Variants in SYNE1 observed in about 807,000 individuals in gnomAD.
The protein encoded by SYNE1 is spectrin repeat containing nuclear envelope protein 1.
SYNE1 carries 616 observed loss-of-function variants against 1,111.0 expected under a neutral mutation model. The observed-to-expected ratio is 0.55, with a 90% CI of 0.52 to 0.59. The LOEUF is 0.59. Among genes scored for constraint, SYNE1 ranks in the 20% least tolerant of loss-of-function variants. The pLI is 0.00. For missense variants in SYNE1, 10,006 were observed against 10,417.0 expected, an observed-to-expected ratio of 0.96 and a Z score of 1.72; for synonymous variants, 3,855 against 3,825.8, an observed-to-expected ratio of 1.01 and a Z score of -0.28.
intron 59 of SYNE1, among the ~76,000 whole-genome samples, chr6:152,371,920 AAGGACAGGACAGGAC>A (rs773724652): frequency 0.016 from 774 of 48,894 alleles, 68 homozygotes; most frequent in East Asian, 0.063. Context: ...AAGGAAAGGA[AAGGACAGGACAGGAC>A]AGGAAAGGAA....
intron 130 of SYNE1, among the ~76,000 whole-genome samples, chr6:152,171,550 T>C (rs1169969082): frequency 6.6e-6 from 1 of 152,096 alleles, no homozygotes; most frequent in Non-Finnish European, 1.5e-5. Flanking sequence ...ACTGAGCCCG[T>C]AAGAAGAATC....
At chr6:152,541,135 C>G (rs2257075) in intron 3 of SYNE1, among the ~76,000 whole-genome samples, 7,307 of 152,064 alleles carry the variant, frequency 0.048, 235 homozygotes, top group Non-Finnish European at 0.065. Context: ...TTTGGATAGG[C>G]TTTAATTAGA....
rs1563856215 is a variant in SYNE1 at position 152,416,565 on chromosome 6, C to T, written c.5872G>A (p.Glu1958Lys). 3.7e-6 allele frequency: 6 copies of T among 1,614,126 alleles called. No homozygotes were observed. In the Admixed American group the frequency reaches 8.3e-5, roughly 22 times the overall value. ...AGAAGGTTCTGGATCCTCTCTACCT[C>T]TCCACAGAGCTGATCAGCCGTGGCT... ...CRATADQLCG[E>K]VERIQNLLGT... The change falls in exon 41 of 146, where the codon GAG becomes AAG. Residue 1958 changes from glutamate (E) to lysine (K), a missense_variant. Coordinates refer to ENST00000367255, the MANE Select transcript of SYNE1 (RefSeq NM_182961.4).
chr6:152,205,670 T>C (rs1182424245), intron 126 of SYNE1, among the ~76,000 whole-genome samples: 1 of 152,262 alleles, frequency 6.6e-6, no homozygotes, highest in African/African-American at 2.4e-5. Context: ...GTATGTGATC[T>C]GTATCCAACT....
intron 74 of SYNE1, among the ~76,000 whole-genome samples, chr6:152,343,387 G>C (rs1404142002): frequency 6.6e-6 from 1 of 151,144 alleles, no homozygotes; most frequent in African/African-American, 2.4e-5. Context: ...TTGCACTCTT[G>C]AAACTGTGTG....
At chr6:152,557,166 GA>G (rs534087330) in intron 3 of SYNE1, among the ~76,000 whole-genome samples, 25 of 151,984 alleles carry the variant, frequency 1.6e-4, no homozygotes, top group African/African-American at 5.8e-4. Flanking sequence ...TAACTGAACT[GA>G]AAAAAATTGC....
chr6:152,599,968 G>T (rs932549794), intron 3 of SYNE1, among the ~76,000 whole-genome samples: 21 of 152,178 alleles, frequency 1.4e-4, no homozygotes, highest in African/African-American at 4.6e-4. Context: ...TAAAAGGTAC[G>T]ACTTGGGTTG....
chr6:152,577,401 G>A (rs1490159001), intron 3 of SYNE1, among the ~76,000 whole-genome samples: 2 of 152,296 alleles, frequency 1.3e-5, no homozygotes, highest in African/African-American at 2.4e-5. Context: ...GGGAGGCCGA[G>A]GCGGGTGGAT....
At chr6:152,237,877 G>T (rs577187580) in intron 108 of SYNE1, among the ~76,000 whole-genome samples, 1 of 152,108 alleles carries the variant, frequency 6.6e-6, no homozygotes, top group East Asian at 1.9e-4. Context: ...TACGCTGTGG[G>T]TCAGCAGTTT....
intron 38 of SYNE1, among the ~76,000 whole-genome samples, chr6:152,426,565 C>T (rs2098359032): frequency 6.6e-6 from 1 of 152,246 alleles, no homozygotes; most frequent in South Asian, 2.1e-4. Context: ...TGGGCAGCAA[C>T]AGTTTTACAT....
intron 67 of SYNE1, among the ~76,000 whole-genome samples, chr6:152,354,166 C>T (rs1460233727): frequency 2.6e-5 from 4 of 152,048 alleles, no homozygotes; most frequent in Non-Finnish European, 5.9e-5. Context: ...AATAAATAAA[C>T]ATGAAAACAA....
chr6:152,341,949 G>A (rs1472585982), intron 74 of SYNE1, among the ~76,000 whole-genome samples: 2 of 151,122 alleles, frequency 1.3e-5, no homozygotes, highest in African/African-American at 4.9e-5. Context: ...CTTGCCAAGG[G>A]AAAAACTAAA....
At chr6:152,207,364 G>A (rs966187640) in intron 125 of SYNE1, among the ~76,000 whole-genome samples, 1 of 152,176 alleles carries the variant, frequency 6.6e-6, no homozygotes, top group African/African-American at 2.4e-5. Context: ...ATGACCAGAA[G>A]ATATGAATAT....
chr6:152,580,469 T>C (rs2099515707), intron 3 of SYNE1, among the ~76,000 whole-genome samples: 1 of 152,224 alleles, frequency 6.6e-6, no homozygotes, highest in African/African-American at 2.4e-5. Context: ...GGTTGTCTGT[T>C]TACTCAGTTG....
intron 3 of SYNE1, among the ~76,000 whole-genome samples, chr6:152,620,492 T>C (rs2099672991): frequency 6.6e-6 from 1 of 152,176 alleles, no homozygotes; most frequent in African/African-American, 2.4e-5. Context: ...AAATGTAACA[T>C]ATCCAAAATA....
intron 3 of SYNE1, among the ~76,000 whole-genome samples, chr6:152,597,995 G>A (rs2099586622): frequency 6.6e-6 from 1 of 152,084 alleles, no homozygotes; most frequent in Non-Finnish European, 1.5e-5. Context: ...TGGTAACGAA[G>A]GCACCATCCC....
chr6:152,131,422 C>G (rs2055611315), intron 144 of SYNE1, among the ~76,000 whole-genome samples: 1 of 150,536 alleles, frequency 6.6e-6, no homozygotes, highest in Non-Finnish European at 1.5e-5. Flanking sequence ...ATCAAAACTT[C>G]TAAAAACTAA....
chr6:152,395,361 T>A (rs552994673), intron 51 of SYNE1, among the ~76,000 whole-genome samples, 155 bp downstream of exon 51: 72 of 152,034 alleles, frequency 4.7e-4, no homozygotes, highest in Non-Finnish European at 8.7e-4. Flanking sequence ...CTGCAAAGAG[T>A]GCAGCATAGT....
chr6:152,245,659 A>G (rs138781599), intron 105 of SYNE1, among the ~76,000 whole-genome samples: 35 of 152,316 alleles, frequency 2.3e-4, no homozygotes, highest in Non-Finnish European at 3.7e-4. Context: ...TTGACTTAGG[A>G]AATCTGGGGA....
Sources: gnomAD v4.1 joint callset for allele counts (sites outside exome capture counted in the v4.1 genomes callset) on GRCh38, gnomAD v4.1.1 for gene constraint, MANE v1.5 for transcripts, NCBI Gene and HGNC (gene_info 2026-07-23, HGNC 2026-07-21) for gene names.